CES5A: variants seen among roughly 807,000 people sequenced by gnomAD.
The protein encoded by CES5A is carboxylesterase 5A.
CES5A carries 67 observed loss-of-function variants against 62.9 expected under a neutral mutation model. The observed-to-expected ratio is 1.07, with a 90% CI of 0.88 to 1.31. The LOEUF (loss-of-function observed/expected upper bound fraction) is 1.31. Ranked by LOEUF, CES5A falls within the 50% of genes most tolerant of loss-of-function variation. The probability of loss-of-function intolerance (pLI) is 0.00; values close to 1 mark genes in which losing one functional copy is unlikely to be tolerated. For missense variants in CES5A, 748 were observed against 708.5 expected, an observed-to-expected ratio of 1.06 and a Z score of -0.63; for synonymous variants, 296 against 280.8, an observed-to-expected ratio of 1.05 and a Z score of -0.54.
intron 1 of CES5A, among the ~76,000 whole-genome samples, chr16:55,912,683 G>T (rs116641093): frequency 0.014 from 2,127 of 152,224 alleles, 75 homozygotes; most frequent in African/African-American, 0.048. Context: ...AAGTAAATGT[G>T]TAGTGTTCAA....
intron 2 of CES5A, among the ~76,000 whole-genome samples, chr16:55,934,297 C>T (rs1470526332): frequency 1.3e-5 from 2 of 152,104 alleles, no homozygotes; most frequent in African/African-American, 4.8e-5. Flanking sequence ...TTGTTTTGTT[C>T]ACTGATGCAT....
chr16:55,852,861 C>A lies in CES5A; in HGVS notation c.1273+20G>T. On this transcript the variant is annotated intron_variant, in intron 10 of 12. Coordinates refer to ENST00000290567, the MANE Select transcript of CES5A (RefSeq NM_001143685.2). ...GCCTCACTGGGCTATGGTCCTGGAG[C>A]GGGATGCTCAGATACTCACCTCTGT... 1 of 1,604,874 alleles carries A rather than the reference C, an allele frequency of 6.2e-7. No homozygotes were observed. The highest frequency in any genetic ancestry group is 2.2e-5 in the East Asian group (1 of 44,628).
intron 5 of CES5A, among the ~76,000 whole-genome samples, chr16:55,864,916 T>A (rs762144403): frequency 2.7e-5 from 4 of 150,580 alleles, no homozygotes; most frequent in Non-Finnish European, 5.9e-5. Flanking sequence ...TCAAAAAAAA[T>A]ATTGCTGTCA....
intron 8 of CES5A, among the ~76,000 whole-genome samples, chr16:55,856,850 G>T (rs2033254421): frequency 6.6e-6 from 1 of 152,200 alleles, no homozygotes; most frequent in Admixed American, 6.5e-5. Flanking sequence ...AATCCAATCT[G>T]GCTGATGTCC....
chr16:55,853,492 AAC>A (rs755504070), intron 9 of CES5A, among the ~76,000 whole-genome samples: 10 of 152,228 alleles, frequency 6.6e-5, no homozygotes, highest in Non-Finnish European at 1.5e-4. Flanking sequence ...ACACGGGCAG[AAC>A]ATCCATGAAA....
chr16:55,910,952 C>T (rs1370387450), intron 1 of CES5A, among the ~76,000 whole-genome samples: 3 of 152,148 alleles, frequency 2.0e-5, no homozygotes, highest in Non-Finnish European at 4.4e-5. Context: ...CCCTGGCCTG[C>T]CCTAAAGCCT....
At chr16:55,943,311 T>G (rs2034463471) in intron 2 of CES5A, among the ~76,000 whole-genome samples, 1 of 152,130 alleles carries the variant, frequency 6.6e-6, no homozygotes, top group Non-Finnish European at 1.5e-5. Context: ...TACGAATGAG[T>G]AAACTGCGAG....
intron 1 of CES5A, among the ~76,000 whole-genome samples, chr16:55,881,607 C>T (rs192830124): frequency 1.3e-5 from 2 of 152,226 alleles, no homozygotes; most frequent in Non-Finnish European, 2.9e-5. Context: ...TTAGCCAATT[C>T]GAATGGCCAA....
At chr16:55,907,621 C>T (rs754201242) in intron 1 of CES5A, among the ~76,000 whole-genome samples, 6 of 152,108 alleles carry the variant, frequency 3.9e-5, no homozygotes, top group Admixed American at 2.0e-4. Flanking sequence ...TCAGGGAGCA[C>T]GTGACATAGG....
intron 2 of CES5A, among the ~76,000 whole-genome samples, chr16:55,932,390 G>C (rs2034323320): frequency 6.6e-6 from 1 of 152,190 alleles, no homozygotes; most frequent in South Asian, 2.1e-4. Flanking sequence ...CTAAGACACT[G>C]GGGGTACAAT....
chr16:55,849,869 A>C (rs1258861904), intron 10 of CES5A, 96 bp from the exon 11 acceptor site: 1 of 1,362,336 alleles, frequency 7.3e-7, no homozygotes, highest in Non-Finnish European at 1.0e-6. Context: ...GTATAGACCC[A>C]GGGGTGGGAC....
chr16:55,897,061 TC>T (rs1189598064), intron 1 of CES5A, among the ~76,000 whole-genome samples: 40 of 149,250 alleles, frequency 2.7e-4, no homozygotes, highest in African/African-American at 8.1e-4. Context: ...CATCCCCGCA[TC>T]CCCCCCATCC....
chr16:55,871,857 T>C, intron 2 of CES5A, 94 bp from the exon 3 acceptor site: 1 of 1,357,286 alleles, frequency 7.4e-7, no homozygotes, highest in Non-Finnish European at 1.0e-6. Context: ...GGCCTGGCCG[T>C]CTCCTCTGCC....
chr16:55,927,732 A>T (rs1176352447), upstream of CES5A, among the ~76,000 whole-genome samples: 1 of 152,202 alleles, frequency 6.6e-6, no homozygotes, highest in Non-Finnish European at 1.5e-5. Context: ...AAGAACTAGA[A>T]GTAGATCTAC....
chr16:55,936,852 T>C (rs1339498626), intron 2 of CES5A, among the ~76,000 whole-genome samples: 1 of 152,222 alleles, frequency 6.6e-6, no homozygotes, highest in Non-Finnish European at 1.5e-5. Flanking sequence ...GTGTTTACCA[T>C]GTGTAAGACA....
chr16:55,942,477 A>T (rs1482150995), intron 2 of CES5A, among the ~76,000 whole-genome samples: 2 of 152,244 alleles, frequency 1.3e-5, no homozygotes, highest in Non-Finnish European at 2.9e-5. Flanking sequence ...ACATCAATGC[A>T]AATTTTAACT....
At chr16:55,925,969 G>A (rs1237251501), upstream of CES5A, among the ~76,000 whole-genome samples, 1 of 152,082 alleles carries the variant, frequency 6.6e-6, no homozygotes, top group Non-Finnish European at 1.5e-5. Flanking sequence ...ACAGGTAAGG[G>A]TAGAGAGGAG....
chr16:55,849,829 C>T (rs776064313), intron 10 of CES5A, 56 bp from the exon 11 acceptor site: 28 of 1,579,904 alleles, frequency 1.8e-5, no homozygotes, highest in Non-Finnish European at 2.2e-5. Context: ...AGGGGGCTGG[C>T]TCTGTGTCCC....
At chr16:55,886,482 C>G (rs1016722376) in intron 1 of CES5A, among the ~76,000 whole-genome samples, 1 of 152,118 alleles carries the variant, frequency 6.6e-6, no homozygotes, top group African/African-American at 2.4e-5. Context: ...TGTCAACCAG[C>G]CTCCCTCCTC....
Sources: allele counts gnomAD v4.1 joint callset (sites outside exome capture counted in the v4.1 genomes callset), GRCh38; gene constraint gnomAD v4.1.1; transcripts MANE v1.5; gene names NCBI Gene and HGNC (gene_info 2026-07-23, HGNC 2026-07-21).